The following RGS6 variants were observed in gnomAD, a reference collection of about 807,000 sequenced individuals.
RGS6 encodes regulator of G-protein signaling 6.
A neutral mutation model predicts 78.5 loss-of-function variants in RGS6; 30 were observed. That is an observed-to-expected ratio of 0.38 (90% confidence interval 0.29 to 0.52). The LOEUF is 0.52. RGS6 is among the 20% of genes least tolerant of loss of function. The pLI, the probability that RGS6 is intolerant of heterozygous loss-of-function variation, is 0.85. For synonymous variants in RGS6, 206 were observed against 206.0 expected (o/e 1.00, Z 0.00); for missense variants, 495 against 609.7 (o/e 0.81, Z 1.98).
chr14:72,605,323 C>G, the RGS6 span, among the ~76,000 whole-genome samples: 3 of 152,218 alleles, frequency 2.0e-5, no homozygotes, highest in African/African-American at 7.2e-5. Context: ...ATGAGCCAGG[C>G]TTCAGCACAG....
intron 2 of RGS6, among the ~76,000 whole-genome samples, chr14:72,001,744 C>A (rs1008832016): frequency 2.0e-5 from 3 of 152,054 alleles, no homozygotes; most frequent in African/African-American, 7.2e-5. Flanking sequence ...TGGTGGAATT[C>A]TCTTCCTCAT....
At chr14:72,344,704 A>G (rs768751401) in intron 2 of RGS6, among the ~76,000 whole-genome samples, 5 of 152,222 alleles carry the variant, frequency 3.3e-5, no homozygotes, top group African/African-American at 4.8e-5. Flanking sequence ...GGGTGATACA[A>G]ATGCAAATTA....
At chr14:72,473,959 A>G (rs2096164111) in intron 9 of RGS6, 1 of 152,248 alleles carries the variant, frequency 6.6e-6, no homozygotes. Context: ...TCACCAACAA[A>G]AAGTACAGAA....
chr14:72,608,916 C>G, the RGS6 span, among the ~76,000 whole-genome samples: 1 of 152,232 alleles, frequency 6.6e-6, no homozygotes, highest in Admixed American at 6.5e-5. Context: ...CTCTTTCTCT[C>G]TCTCTTACAC....
intron 15 of RGS6, among the ~76,000 whole-genome samples, chr14:72,527,382 C>T (rs907523662): frequency 6.6e-6 from 1 of 152,208 alleles, no homozygotes; most frequent in African/African-American, 2.4e-5. Context: ...GTGAGAAGAG[C>T]GTGAGCTTTG....
At chr14:72,350,122 A>G (rs2078840509) in intron 2 of RGS6, among the ~76,000 whole-genome samples, 1 of 152,220 alleles carries the variant, frequency 6.6e-6, no homozygotes, top group Non-Finnish European at 1.5e-5. Context: ...GTTTTCATCT[A>G]ACAGAATGCA....
At chr14:72,204,899 TTAATA>T (rs1449782240) in intron 2 of RGS6, among the ~76,000 whole-genome samples, 9 of 152,198 alleles carry the variant, frequency 5.9e-5, no homozygotes, top group Non-Finnish European at 1.2e-4. Flanking sequence ...TTTCTACTCT[TTAATA>T]TAAGATTAAA....
At chr14:71,885,462 C>T in the RGS6 span, among the ~76,000 whole-genome samples, 2 of 152,218 alleles carry the variant, frequency 1.3e-5, no homozygotes, top group African/African-American at 2.4e-5. Flanking sequence ...TTCACTTCAA[C>T]TCTTAGGAGA....
At chr14:72,172,922 G>C (rs947427392) in intron 2 of RGS6, among the ~76,000 whole-genome samples, 3 of 152,174 alleles carry the variant, frequency 2.0e-5, no homozygotes, top group Non-Finnish European at 2.9e-5. Context: ...AGCTCTCCCA[G>C]GCTTTTCTTG....
At chr14:72,308,597 ATAAAT>A (rs1255164179) in intron 2 of RGS6, among the ~76,000 whole-genome samples, 1 of 152,246 alleles carries the variant, frequency 6.6e-6, no homozygotes, top group Admixed American at 6.5e-5. Flanking sequence ...TTAATTAATT[ATAAAT>A]TAGTTAGTAT....
At chr14:72,616,459 G>A in the RGS6 span, among the ~76,000 whole-genome samples, 1 of 152,088 alleles carries the variant, frequency 6.6e-6, no homozygotes, top group African/African-American at 2.4e-5. Flanking sequence ...AACTCCCTTT[G>A]GTCACAAGGG....
intron 2 of RGS6, among the ~76,000 whole-genome samples, chr14:72,265,490 TTGTC>T (rs1298884548): frequency 6.6e-6 from 1 of 152,190 alleles, no homozygotes; most frequent in Admixed American, 6.5e-5. Flanking sequence ...GTTGTCGTGT[TTGTC>T]TGTTTTTAAG....
At chr14:72,003,083 C>T (rs1053652543) in intron 2 of RGS6, among the ~76,000 whole-genome samples, 7 of 152,096 alleles carry the variant, frequency 4.6e-5, no homozygotes, top group African/African-American at 1.7e-4. Flanking sequence ...TATTTTGTTT[C>T]TATATTTTGG....
At chr14:72,403,539 T>C (rs1282230569) in intron 3 of RGS6, among the ~76,000 whole-genome samples, 1 of 152,230 alleles carries the variant, frequency 6.6e-6, no homozygotes, top group East Asian at 1.9e-4. Context: ...TCTATAGCAC[T>C]GTTGGGTGAC....
At chr14:72,351,850 C>T (rs2079157061) in intron 2 of RGS6, among the ~76,000 whole-genome samples, 1 of 152,054 alleles carries the variant, frequency 6.6e-6, no homozygotes, top group African/African-American at 2.4e-5. Flanking sequence ...TCCTCCATAC[C>T]TTGTTGAACT....
At chr14:72,002,233 G>A (rs1275740446) in intron 2 of RGS6, among the ~76,000 whole-genome samples, 6 of 152,008 alleles carry the variant, frequency 3.9e-5, no homozygotes, top group Non-Finnish European at 7.4e-5. Flanking sequence ...TGAGAGATAG[G>A]CACCCCAAGT....
chr14:72,279,768 G>C (rs886978372), intron 2 of RGS6, among the ~76,000 whole-genome samples: 2 of 152,168 alleles, frequency 1.3e-5, no homozygotes, highest in Non-Finnish European at 2.9e-5. Flanking sequence ...GAATGACAAA[G>C]AAAGGACAAG....
rs371282017 is a variant in RGS6 at position 72,536,236 on chromosome 14, G to A, written c.1329G>A (p.Arg443=). 2.5e-6 allele frequency: 4 copies of A among 1,613,790 alleles called. No homozygotes were observed. The highest frequency in any genetic ancestry group is 2.7e-5 in the African/African-American group (2 of 74,898). Residue 443 remains arginine (R), a synonymous_variant, in exon 16 of 18, where the codon CGG becomes CGA. Transcript: ENST00000553525. ...GTGACAGCTATGCCCGCTTCCTCCG[G>A]TCAAATGCTTACCAGGATTTGCTGC... is the stretch of plus-strand genomic sequence containing the variant. ...MKSDSYARFL[R]SNAYQDLLLA...
At chr14:72,297,087 A>G (rs1267367220) in intron 2 of RGS6, among the ~76,000 whole-genome samples, 4 of 152,102 alleles carry the variant, frequency 2.6e-5, no homozygotes, top group Non-Finnish European at 1.5e-5. Flanking sequence ...ATTTGGCCAT[A>G]TATATGTAGG....
Sources: gnomAD v4.1 joint callset for allele counts (sites outside exome capture counted in the v4.1 genomes callset) on GRCh38, gnomAD v4.1.1 for gene constraint, MANE v1.5 for transcripts, NCBI Gene and HGNC (gene_info 2026-07-23, HGNC 2026-07-21) for gene names.